The following DST variants were observed in gnomAD, a reference collection of about 807,000 sequenced individuals.
The protein encoded by DST is bullous pemphigoid antigen.
Under a neutral mutation model 875.2 loss-of-function variants are expected in DST, and 253 were observed. The ratio of observed to expected loss-of-function variants is 0.29; its 90% CI spans 0.26 to 0.32. The LOEUF is 0.32. DST is among the 10% of genes least tolerant of loss of function. DST has a pLI of 1.00. For missense variants in DST, 8,287 were observed against 9,111.6 expected, an observed-to-expected ratio of 0.91 and a Z score of 3.68; for synonymous variants, 3,124 against 3,197.1, an observed-to-expected ratio of 0.98 and a Z score of 0.77.
intron 3 of DST, among the ~76,000 whole-genome samples, chr6:56,888,591 C>T (rs530272541): frequency 6.6e-6 from 1 of 152,150 alleles, no homozygotes; most frequent in East Asian, 1.9e-4. Flanking sequence ...AAAAGGAAGA[C>T]CATTTTAATA....
Position 56,553,260 on chromosome 6 carries a change from G to A in DST, c.15532C>T (p.Leu5178Phe). The A allele has an allele frequency of 6.2e-7, 1 of 1,613,808 alleles. No individual in the cohort carries two copies. The change falls in exon 61 of 104, where the codon CTC becomes TTC. Residue 5178 changes from leucine to phenylalanine, a missense_variant. By Grantham distance (22) the Leu-to-Phe change is conservative. This residue lies in a region of DST where 1,513 missense variants were observed against 1,677.8 expected (regional missense o/e 0.90). Coordinates refer to ENST00000680361, the MANE Select transcript of DST (RefSeq NM_001374736.1). ...TGGCATTTGTCTATCCATGGCCAGA[G>A]AGTCTCTACTTGCTCTTTATACTTA... Reference protein sequence around the residue: ...ALKYKEQVETLWPWIDKCQNN... With the variant: ...ALKYKEQVETFWPWIDKCQNN...
chr6:56,742,516 T>C, intron 4 of DST: 1 of 388,456 alleles, frequency 2.6e-6, no homozygotes, highest in South Asian at 2.1e-5. Flanking sequence ...CAGACTCCTC[T>C]ACTATTTTTG....
chr6:56,648,678 G>T lies in DST; in HGVS notation c.1446C>A (p.Val482=). Residue 482 remains valine (V), a synonymous_variant, in exon 13 of 104, where the codon GTC becomes GTA. Coordinates refer to ENST00000680361, the MANE Select transcript of DST (RefSeq NM_001374736.1). ...CCATATTCTGGTATTCAATCCATTT[G>T]ACTTCAACATCCTAGAACAATCAAA... The part of the protein sequence containing the change: ...GEGIGANDVE[V]KWIEYQNMVN... 1.3e-6 allele frequency: 2 copies of T among 1,570,944 alleles called. No homozygotes were observed. The highest frequency in any genetic ancestry group is 2.3e-5 in the South Asian group (2 of 85,484).
intron 48 of DST, among the ~76,000 whole-genome samples, chr6:56,593,329 T>C (rs1221141033): frequency 1.3e-5 from 2 of 151,694 alleles, no homozygotes; most frequent in Non-Finnish European, 2.9e-5. Context: ...TCCTGGCTAA[T>C]ACAGTGAAAC....
Position 56,613,747 on chromosome 6 carries a change from G to A in DST, c.5058+609C>T, listed in dbSNP as rs749724184. 5.9e-5 allele frequency among the ~76,000 whole-genome samples: 9 copies of A among 152,096 alleles called. No homozygotes were observed. The South Asian group carries it at 6.2e-4, about 11-fold the overall frequency. ...AGTCCAAGGACATCTCCCAAGCTGC[G>A]GCCATCCAACTAATCCTAAGCAGTT... On this transcript the variant is annotated intron_variant, in intron 37 of 103. Coordinates refer to ENST00000680361, the MANE Select transcript of DST (RefSeq NM_001374736.1).
At chr6:56,644,444 T>G (rs111879859) in intron 15 of DST, among the ~76,000 whole-genome samples, 6,362 of 151,242 alleles carry the variant, frequency 0.042, 424 homozygotes, top group African/African-American at 0.15. Flanking sequence ...ACAGAGAACA[T>G]GACAATACTG....
chr6:56,532,115 A>G (rs1021684021), intron 64 of DST, among the ~76,000 whole-genome samples: 1 of 152,172 alleles, frequency 6.6e-6, no homozygotes, highest in African/African-American at 2.4e-5. Context: ...CAAATGAAGT[A>G]ATCACTCCCA....
At chr6:56,664,302 G>T (rs2099060755) in intron 10 of DST, among the ~76,000 whole-genome samples, 1 of 152,206 alleles carries the variant, frequency 6.6e-6, no homozygotes, top group South Asian at 2.1e-4. Flanking sequence ...TATCTACTTG[G>T]AGAGAATGAG....
intron 2 of DST, among the ~76,000 whole-genome samples, chr6:56,951,962 C>T (rs927313095): frequency 1.3e-5 from 2 of 152,024 alleles, no homozygotes; most frequent in Non-Finnish European, 2.9e-5. Flanking sequence ...CTAGCACCCA[C>T]TAGGAGATTT....
chr6:56,807,344 C>A (rs2099754327), intron 4 of DST, among the ~76,000 whole-genome samples: 1 of 152,144 alleles, frequency 6.6e-6, no homozygotes, highest in Non-Finnish European at 1.5e-5. Flanking sequence ...GATCTTTAGA[C>A]TCAACACAAT....
At chr6:56,635,440 A>G (rs2098815839) in intron 24 of DST, 149 bp downstream of exon 24, 2 of 825,602 alleles carry the variant, frequency 2.4e-6, no homozygotes, top group African/African-American at 3.5e-5. Flanking sequence ...ATTTGTTGCC[A>G]AAAGAATACT....
chr6:56,925,072 A>T (rs1240058937), intron 2 of DST, among the ~76,000 whole-genome samples: 1 of 152,200 alleles, frequency 6.6e-6, no homozygotes, highest in Non-Finnish European at 1.5e-5. Context: ...ACTGAGTTCT[A>T]TATGTGGTCA....
At chr6:56,531,079 G>A (rs1265390975) in intron 64 of DST, among the ~76,000 whole-genome samples, 1 of 152,110 alleles carries the variant, frequency 6.6e-6, no homozygotes, top group African/African-American at 2.4e-5. Context: ...AAAACTTTCA[G>A]TTGATATATT....
In DST at chr6:56,636,617, C is replaced by A. The variant is rs750549865; in HGVS notation, c.3000G>T (p.Trp1000Cys). 3 of 1,613,682 alleles carry A rather than the reference C, an allele frequency of 1.9e-6. No homozygotes were observed. Among genetic ancestry groups the A allele is most frequent in the South Asian group, 1.1e-5 (1 of 91,080 alleles). ...CCACACACTGGCAGAGCTGTAAGAT[C>A]CAGCTCCACTGCGTCTGCATTGCCG... Reference protein sequence around the residue: ...YRAAMQTQWSWILQLCQCVEQ... With the variant: ...YRAAMQTQWSCILQLCQCVEQ... Residue 1000 changes from tryptophan to cysteine, a missense_variant, in exon 23 of 104, where the codon TGG (tryptophan) becomes TGT (cysteine). By Grantham distance (215) the Trp-to-Cys change is radical. Coordinates refer to ENST00000680361, the MANE Select transcript of DST (RefSeq NM_001374736.1).
chr6:56,779,043 CTGT>C (rs1186358195), intron 4 of DST, among the ~76,000 whole-genome samples: 3 of 152,110 alleles, frequency 2.0e-5, no homozygotes, highest in Non-Finnish European at 2.9e-5. Context: ...TCTCCAGCAC[CTGT>C]TGTCTCCTGA....
At chr6:56,837,760 T>A (rs2099795400) in intron 4 of DST, among the ~76,000 whole-genome samples, 2 of 151,926 alleles carry the variant, frequency 1.3e-5, no homozygotes, top group Non-Finnish European at 2.9e-5. Context: ...CCTCTTGGAG[T>A]TTTCCTCCCT....
intron 3 of DST, among the ~76,000 whole-genome samples, chr6:56,880,533 C>T (rs1297989486): frequency 2.6e-5 from 4 of 151,746 alleles, no homozygotes; most frequent in Non-Finnish European, 5.9e-5. Flanking sequence ...ACTAAAAATA[C>T]AAAAATTAGC....
Position 56,485,595 on chromosome 6 carries a change from A to G in DST, c.21048-124T>C, listed in dbSNP as rs894454479. On this transcript the variant is annotated intron_variant, in intron 87 of 103. Transcript: ENST00000680361. ...GGGGAAGAGCAGTATGTTGGTATTC[A>G]TTGTTGTTTCTTTGCTCTTCTTAGG... 8.6e-6 allele frequency: 8 copies of G among 931,442 alleles called. No homozygotes were observed. In the African/African-American group the frequency reaches 1.0e-4, roughly 12 times the overall value. The allele number at this position is 931,442 out of a possible 1,614,324, so 57.7% of individuals were successfully genotyped here.
intron 4 of DST, among the ~76,000 whole-genome samples, chr6:56,742,938 T>C (rs2099552435): frequency 6.6e-6 from 1 of 152,222 alleles, no homozygotes; most frequent in African/African-American, 2.4e-5. Flanking sequence ...AGTACTGTCC[T>C]CAGTTTAAAG....
Sources: allele counts gnomAD v4.1 joint callset (sites outside exome capture counted in the v4.1 genomes callset), GRCh38; gene constraint gnomAD v4.1.1; regional missense constraint gnomAD v4.1.1; transcripts MANE v1.5; gene names NCBI Gene and HGNC (gene_info 2026-07-23, HGNC 2026-07-21).